ZNF69: variants seen among roughly 807,000 people sequenced by gnomAD.
ZNF69 encodes ZNF3.
Under a neutral mutation model 50.9 loss-of-function variants are expected in ZNF69, and 47 were observed. That is an observed-to-expected ratio of 0.92 (90% CI 0.73 to 1.18). The LOEUF (loss-of-function observed/expected upper bound fraction) is 1.18, where lower values mean the gene tolerates loss of function less well. Ranked by LOEUF, ZNF69 falls within the 50% of genes most tolerant of loss-of-function variation. The pLI is 0.00. For synonymous variants in ZNF69, 216 were observed against 223.1 expected, an observed-to-expected ratio of 0.97 and a Z score of 0.29; for missense variants, 717 against 675.1, an observed-to-expected ratio of 1.06 and a Z score of -0.69.
intron 1 of ZNF69, among the ~76,000 whole-genome samples, chr19:11,900,289 G>A (rs2145228011): frequency 6.6e-6 from 1 of 151,978 alleles, no homozygotes; most frequent in Admixed American, 6.6e-5. Context: ...GTAATGTAGG[G>A]CATCCTGTCA....
the ZNF69 span, among the ~76,000 whole-genome samples, chr19:11,938,594 A>G: frequency 2.0e-5 from 3 of 152,180 alleles, no homozygotes; most frequent in Non-Finnish European, 2.9e-5. Context: ...ATAGTATTCC[A>G]TGTGTATATG....
downstream of ZNF69, among the ~76,000 whole-genome samples, chr19:11,910,935 C>A (rs981430936): frequency 6.6e-6 from 1 of 152,120 alleles, no homozygotes; most frequent in Non-Finnish European, 1.5e-5. Context: ...TGACAAAGGG[C>A]TAATATCCAG....
the ZNF69 span, among the ~76,000 whole-genome samples, chr19:11,954,949 A>C: frequency 6.6e-6 from 1 of 151,240 alleles, no homozygotes; most frequent in Non-Finnish European, 1.5e-5. Flanking sequence ...ATAAAGACAG[A>C]TTTCAGAAAA....
chr19:11,901,488 A>G (rs1005521312), intron 1 of ZNF69, among the ~76,000 whole-genome samples: 1 of 151,970 alleles, frequency 6.6e-6, no homozygotes, highest in African/African-American at 2.4e-5. Flanking sequence ...GGACATTCTT[A>G]TGGTGTTTTG....
the ZNF69 span, among the ~76,000 whole-genome samples, chr19:11,964,127 AAG>A: frequency 1.3e-5 from 2 of 152,116 alleles, no homozygotes; most frequent in East Asian, 1.9e-4. Context: ...AAGGAAGAGA[AAG>A]AGAGATTCCC....
the ZNF69 span, among the ~76,000 whole-genome samples, chr19:11,959,963 T>C: frequency 2.0e-5 from 3 of 152,140 alleles, no homozygotes; most frequent in Non-Finnish European, 2.9e-5. Flanking sequence ...ATTTTTCCTA[T>C]ATGATCTTTC....
At chr19:11,968,607 T>C in the ZNF69 span, among the ~76,000 whole-genome samples, 2 of 152,216 alleles carry the variant, frequency 1.3e-5, no homozygotes, top group South Asian at 4.1e-4. Flanking sequence ...TTCTAGCTGG[T>C]TTATATTTCC....
chr19:11,950,134 TATGA>T, the ZNF69 span: 46 of 1,614,016 alleles, frequency 2.9e-5, 1 homozygote, highest in Admixed American at 7.7e-4. Flanking sequence ...AGAGAAACAC[TATGA>T]ATGTAAGGAA....
At chr19:11,924,356 C>T in the ZNF69 span, among the ~76,000 whole-genome samples, 2 of 143,536 alleles carry the variant, frequency 1.4e-5, no homozygotes, top group Non-Finnish European at 3.0e-5. Flanking sequence ...GGCGTGAACT[C>T]GGGAGGCGGA....
At chr19:11,953,976 T>A in the ZNF69 span, among the ~76,000 whole-genome samples, 53 of 152,344 alleles carry the variant, frequency 3.5e-4, no homozygotes, top group Non-Finnish European at 7.4e-4. Context: ...ATACCTTGAT[T>A]TATGAGGTAT....
chr19:11,906,199 G>A lies in ZNF69; in HGVS notation c.*101G>A. The A allele has an allele frequency of 6.5e-7, 1 of 1,540,292 alleles. No individual in the cohort carries two copies. On this transcript the variant is annotated 3_prime_UTR_variant, in exon 4 of 4. Transcript: ENST00000429654. ...AGAATGTGGGAAACCCTTCAGGTCT[G>A]CCCAGAACCTTCGAATTCAGTAAAG... is the stretch of plus-strand genomic sequence containing the variant.
At chr19:11,902,690 C>A (rs1436535895) in intron 1 of ZNF69, among the ~76,000 whole-genome samples, 1 of 150,776 alleles carries the variant, frequency 6.6e-6, no homozygotes, top group East Asian at 1.9e-4. Context: ...CCCAGGGGCT[C>A]CCCCTCCTGC....
the ZNF69 span, chr19:11,965,148 T>C: frequency 1.2e-6 from 2 of 1,612,282 alleles, no homozygotes; most frequent in Non-Finnish European, 8.5e-7. Context: ...TCTCCTGCGC[T>C]GTGCCCTTCT....
the ZNF69 span, among the ~76,000 whole-genome samples, chr19:11,937,618 A>G: frequency 6.6e-6 from 1 of 151,146 alleles, no homozygotes; most frequent in African/African-American, 2.4e-5. Flanking sequence ...CCTCCCGAGT[A>G]ACTGAGACTA....
the ZNF69 span, among the ~76,000 whole-genome samples, chr19:11,968,256 A>T: frequency 3.1e-4 from 46 of 149,476 alleles, no homozygotes; most frequent in African/African-American, 1.1e-3. Flanking sequence ...CAATAATTTA[A>T]TTTTTTTTTT....
At chr19:11,951,712 TAAG>T in the ZNF69 span, among the ~76,000 whole-genome samples, 1 of 152,254 alleles carries the variant, frequency 6.6e-6, no homozygotes, top group Non-Finnish European at 1.5e-5. Context: ...GTCACATTAG[TAAG>T]AAGAGAAAAA....
the ZNF69 span, among the ~76,000 whole-genome samples, chr19:11,920,642 C>T: frequency 4.9e-4 from 2 of 4,054 alleles, no homozygotes; most frequent in Non-Finnish European, 1.1e-3. Flanking sequence ...AATCCCAGCA[C>T]TTTGGGAGGC....
At chr19:11,964,978 A>G in the ZNF69 span, 1 of 517,594 alleles carries the variant, frequency 1.9e-6, no homozygotes. Context: ...ATTCCATCCA[A>G]TCAGAGGTGC....
the ZNF69 span, among the ~76,000 whole-genome samples, chr19:11,975,168 A>G: frequency 0.18 from 27,652 of 150,246 alleles, 5,474 homozygotes; most frequent in African/African-American, 0.51. Flanking sequence ...GTGGAATGTC[A>G]GCTCACCACA....
Sources: allele counts gnomAD v4.1 joint callset (sites outside exome capture counted in the v4.1 genomes callset), GRCh38; gene constraint gnomAD v4.1.1; transcripts MANE v1.5; gene names NCBI Gene and HGNC (gene_info 2026-07-23, HGNC 2026-07-21).